Variants in PAN3 observed in about 807,000 individuals in gnomAD.
PAN3 encodes PAN2-PAN3 deadenylation complex subunit PAN3.
A neutral mutation model predicts 96.2 loss-of-function variants in PAN3; 19 were observed. That is an observed-to-expected ratio of 0.20 (90% CI 0.14 to 0.29). The LOEUF is 0.29. PAN3 is among the 10% of genes least tolerant of loss of function. The probability of loss-of-function intolerance (pLI) is 1.00; values close to 1 mark genes in which losing one functional copy is unlikely to be tolerated. For missense variants in PAN3, 882 were observed against 1,108.1 expected (o/e 0.80, Z 2.90); for synonymous variants, 433 against 406.6 (o/e 1.06, Z -0.78).
intron 1 of PAN3, among the ~76,000 whole-genome samples, chr13:28,149,450 C>T (rs569103627): frequency 1.3e-4 from 20 of 152,266 alleles, no homozygotes; most frequent in South Asian, 4.1e-4. Flanking sequence ...ATTTTTCTCC[C>T]CAATGGCTCA....
chr13:28,184,664 G>T (rs1324714256), intron 4 of PAN3, among the ~76,000 whole-genome samples: 1 of 152,084 alleles, frequency 6.6e-6, no homozygotes, highest in Non-Finnish European at 1.5e-5. Context: ...ATAGGGGCTG[G>T]TTTTTCTACA....
chr13:28,174,505 G>A (rs932452781), intron 2 of PAN3, 112 bp downstream of exon 2: 27 of 1,250,772 alleles, frequency 2.2e-5, no homozygotes, highest in Non-Finnish European at 2.9e-5. Flanking sequence ...GATTTTAGGA[G>A]GCAGTGAGAT....
At chr13:28,256,250 C>A (rs781762871) in intron 6 of PAN3, 42 bp from the exon 7 acceptor site, 1 of 1,574,762 alleles carries the variant, frequency 6.4e-7, no homozygotes, top group Non-Finnish European at 8.6e-7. Context: ...TCTCTAAAAC[C>A]AATTATTGCT....
At chr13:28,142,724 C>G (rs1870034107) in intron 1 of PAN3, among the ~76,000 whole-genome samples, 1 of 152,024 alleles carries the variant, frequency 6.6e-6, no homozygotes, top group Non-Finnish European at 1.5e-5. Context: ...TTGATTGAAT[C>G]ATTTGACAAC....
intron 5 of PAN3, among the ~76,000 whole-genome samples, chr13:28,209,803 T>G (rs891431449): frequency 3.3e-5 from 5 of 152,074 alleles, no homozygotes; most frequent in African/African-American, 1.2e-4. Context: ...TCTCCTTCCC[T>G]TTTTCCTTTC....
rs1555267661 is a variant in PAN3, at chr13:28,144,718, C to CCTTTTTTTTTTTTTTTTTTTT, written c.430+5631_430+5632insCTTTTTTTTTTTTTTTTTTTT. Among the ~76,000 whole-genome samples the CCTTTTTTTTTTTTTTTTTTTT allele has an allele frequency of 1.5e-4, 7 of 46,776 alleles. 2 individuals carry two copies. Among genetic ancestry groups the CCTTTTTTTTTTTTTTTTTTTT allele is most frequent in the Non-Finnish European group, 2.2e-4 (5 of 22,264 alleles). The allele number at this position is 46,776 out of a possible 152,430, so 30.7% of individuals were successfully genotyped here. A position where few individuals can be genotyped will look rare whatever the true frequency, so the allele number is the denominator to read the frequency against. On this transcript the variant is annotated intron_variant, in intron 1 of 18. Transcript: ENST00000380958. The stretch of plus-strand genomic sequence containing the variant: ...TATCAAAAGCAAACCAAAACATCAT[C>CCTTTTTTTTTTTTTTTTTTTT]TTTTTTTTTTTTTTTTTTTTTCCTC...
At chr13:28,231,956 C>T (rs1882601292) in intron 6 of PAN3, among the ~76,000 whole-genome samples, 1 of 151,932 alleles carries the variant, frequency 6.6e-6, no homozygotes, top group African/African-American at 2.4e-5. Flanking sequence ...TGAAATTTGT[C>T]GTTTTATTGC....
intron 5 of PAN3, among the ~76,000 whole-genome samples, chr13:28,200,967 A>G (rs1001513554): frequency 3.9e-5 from 6 of 152,080 alleles, no homozygotes; most frequent in African/African-American, 1.4e-4. Context: ...TAATTGCCAA[A>G]TCCAGCAGTT....
intron 17 of PAN3, among the ~76,000 whole-genome samples, chr13:28,285,433 GTTTTGTTT>G (rs1868856348): frequency 6.6e-6 from 1 of 151,986 alleles, no homozygotes; most frequent in African/African-American, 2.4e-5. Context: ...AAGCTTTTGG[GTTTTGTTT>G]GTTTGTTTGT....
At chr13:28,192,086 C>T (rs1160165709) in intron 4 of PAN3, among the ~76,000 whole-genome samples, 2 of 146,906 alleles carry the variant, frequency 1.4e-5, no homozygotes, top group Non-Finnish European at 3.0e-5. Context: ...GTCTCTGTCA[C>T]CCAGGCTGGA....
chr13:28,138,675 CCTCCCGCCCCCCT>C lies in PAN3; in HGVS notation c.20_32del (p.Leu7ArgfsTer32). On this transcript the variant is annotated frameshift_variant, in exon 1 of 19. Transcript: ENST00000380958. LOFTEE classifies it high-confidence loss of function. ...GCGTTGCCATGAACAGTGGCGGCGGCCTCCCGCCCCCCTCGGCCGCCGCCTCCCCTTCCTCCTC... is the reference window on the plus strand; with the variant it reads ...GCGTTGCCATGAACAGTGGCGGCGGCCGGCCGCCGCCTCCCCTTCCTCCTC... 2 of 830,664 alleles carry C rather than the reference CCTCCCGCCCCCCT, an allele frequency of 2.4e-6. No homozygotes were observed. The highest frequency in any genetic ancestry group is 2.8e-5 in the South Asian group (1 of 35,858). 51.5% of individuals were successfully genotyped at this position (830,664 alleles called of 1,614,324 possible). A position where few individuals can be genotyped will look rare whatever the true frequency, so the allele number is the denominator to read the frequency against.
chr13:28,198,744 C>G (rs1377015193), intron 5 of PAN3, among the ~76,000 whole-genome samples: 2 of 152,144 alleles, frequency 1.3e-5, no homozygotes, highest in African/African-American at 4.8e-5. Flanking sequence ...AAGGCAAAGC[C>G]TATAATCCCA....
At chr13:28,176,165 C>A (rs1275265203) in intron 2 of PAN3, among the ~76,000 whole-genome samples, 1 of 151,626 alleles carries the variant, frequency 6.6e-6, no homozygotes, top group African/African-American at 2.4e-5. Flanking sequence ...CAACGGGTAC[C>A]CTCTTCAGTG....
At chr13:28,209,289 G>T (rs374208220) in intron 5 of PAN3, among the ~76,000 whole-genome samples, 4 of 152,252 alleles carry the variant, frequency 2.6e-5, no homozygotes, top group African/African-American at 9.6e-5. Flanking sequence ...CCCTAGCCAG[G>T]TTACCACCCA....
intron 6 of PAN3, among the ~76,000 whole-genome samples, chr13:28,221,136 G>A (rs1000139120): frequency 6.6e-6 from 1 of 151,996 alleles, no homozygotes; most frequent in Non-Finnish European, 1.5e-5. Flanking sequence ...GTTTATTTTA[G>A]TATAAAAATA....
At chr13:28,139,898 G>GT (rs1869455564) in intron 1 of PAN3, among the ~76,000 whole-genome samples, 1 of 152,104 alleles carries the variant, frequency 6.6e-6, no homozygotes, top group Non-Finnish European at 1.5e-5. Flanking sequence ...GAGCACTTGG[G>GT]TGGGGACATC....
chr13:28,286,004 G>A (rs931450754), intron 17 of PAN3, among the ~76,000 whole-genome samples: 1 of 152,094 alleles, frequency 6.6e-6, no homozygotes, highest in Non-Finnish European at 1.5e-5. Flanking sequence ...CTGATACTTA[G>A]CTGTCCATTT....
chr13:28,149,211 C>G (rs1871064263), intron 1 of PAN3, among the ~76,000 whole-genome samples: 1 of 152,016 alleles, frequency 6.6e-6, no homozygotes, highest in Non-Finnish European at 1.5e-5. Context: ...AAAAAATTAG[C>G]TAGGCTTGGT....
rs1483178149 is a variant in PAN3, at chr13:28,222,859, G to A, written c.1000+2481G>A. 3.3e-5 allele frequency among the ~76,000 whole-genome samples: 5 copies of A among 152,232 alleles called. No individual in the cohort carries two copies. In the East Asian group the frequency reaches 9.6e-4, roughly 29 times the overall value. ...ATCCCCAAAACTATTGCCCTCGAAAGTATCAAATTACTATAAAATATGAAA... is the reference window on the plus strand; with the variant it reads ...ATCCCCAAAACTATTGCCCTCGAAAATATCAAATTACTATAAAATATGAAA... On this transcript the variant is annotated intron_variant, in intron 6 of 18. Coordinates refer to ENST00000380958, the MANE Select transcript of PAN3 (RefSeq NM_175854.8).
Sources: allele counts gnomAD v4.1 joint callset (sites outside exome capture counted in the v4.1 genomes callset), GRCh38; gene constraint gnomAD v4.1.1; transcripts MANE v1.5; gene names NCBI Gene and HGNC (gene_info 2026-07-23, HGNC 2026-07-21).